Variants in ATP13A2 observed in about 807,000 individuals in gnomAD.
The protein encoded by ATP13A2 is polyamine-transporting ATPase 13A2.
A neutral mutation model predicts 138.3 loss-of-function variants in ATP13A2; 83 were observed. The observed-to-expected ratio is 0.60, with a 90% confidence interval of 0.50 to 0.72. ATP13A2 has a LOEUF of 0.72. Among genes scored for constraint, ATP13A2 ranks in the 30% least tolerant of loss-of-function variants. The pLI, the probability that ATP13A2 is intolerant of heterozygous loss-of-function variation, is 0.00. For synonymous variants in ATP13A2, 663 were observed against 699.0 expected (o/e 0.95, Z 0.81); for missense variants, 1,402 against 1,606.4 (o/e 0.87, Z 2.17).
rs1005719295 is a variant in ATP13A2, at chr1:17,005,321, C to A, written c.288+53G>T. 9 of 1,554,830 alleles carry A rather than the reference C, an allele frequency of 5.8e-6. No individual in the cohort carries two copies. The East Asian group carries it at 1.9e-4, about 33-fold the overall frequency. ...TTGGCACCCAAGCATCCTCCACCCCCGACCCTGACCCTCACTGCGCTTCTC... is the reference window on the plus strand; with the variant it reads ...TTGGCACCCAAGCATCCTCCACCCCAGACCCTGACCCTCACTGCGCTTCTC... On this transcript the variant is annotated intron_variant, in intron 3 of 28. Transcript: ENST00000326735.
In ATP13A2 at chr1:17,004,941, G is replaced by C. The variant is rs41273155; in HGVS notation, c.347+73C>G. The C allele has an allele frequency of 0.034, 54,250 of 1,611,516 alleles. 1,094 individuals carry two copies. Among genetic ancestry groups the C allele is most frequent in the African/African-American group, 0.067 (5,050 of 74,942 alleles). ...GCGCCAGAGTCAGCCTTTATGGGGG[G>C]GCCGAGGGTTGGGGAAGTTGGGGAG... On this transcript the variant is annotated intron_variant, in intron 4 of 28. Transcript: ENST00000326735. This position sits in a 1 kb window ranked among gnomAD's most constrained non-coding sequence, Gnocchi z 4.1.
chr1:16,995,972 C>G lies in ATP13A2; in HGVS notation c.1542+4G>C. The G allele has an allele frequency of 6.2e-7, 1 of 1,613,946 alleles. No homozygotes were observed. Among genetic ancestry groups the G allele is most frequent in the African/African-American group, 1.3e-5 (1 of 75,064 alleles). ...CCCTGCACCAACCCCACCTGCGGCC[C>G]CACCTTGTCGAAACACACCAGCTGC... On this transcript the variant is annotated splice_donor_region_variant and intron_variant, in intron 15 of 28. Transcript: ENST00000326735. The surrounding 1 kb of genome is among the most constrained non-coding windows in gnomAD (Gnocchi z 4.1).
chr1:16,986,546 G>A lies in ATP13A2; in HGVS notation c.3322C>T (p.Leu1108=), dbSNP rs34585239. ...VPGLLQGPLA[L]RNITDTGFKL... ...AAGCCGGTGTCAGTGATGTTCCTCA[G>A]CGCCAGCGGCCCCTGCAGGAGGCCG... is the stretch of plus-strand genomic sequence containing the variant. Residue 1108 remains leucine, a synonymous_variant, in exon 28 of 29, where the codon CTG becomes TTG. Transcript: ENST00000326735. This position sits in a 1 kb window ranked among gnomAD's most constrained non-coding sequence, Gnocchi z 6.9. The A allele has an allele frequency of 1.2e-6, 2 of 1,612,554 alleles. No individual in the cohort carries two copies. The highest frequency in any genetic ancestry group is 1.7e-6 in the Non-Finnish European group (2 of 1,179,858).
chr1:17,011,699 GCTCGGGGCCGACCCGGACTCCGCA>G lies in ATP13A2; in HGVS notation c.10+6_10+29del. 6.7e-7 allele frequency: 1 copy of G among 1,485,440 alleles called. No homozygotes were observed. Among genetic ancestry groups the G allele is most frequent in the Non-Finnish European group, 8.9e-7 (1 of 1,124,320 alleles). 92.0% of individuals were successfully genotyped at this position (1,485,440 alleles called of 1,614,324 possible). A position where few individuals can be genotyped will look rare whatever the true frequency, so the allele number is the denominator to read the frequency against. The stretch of plus-strand genomic sequence containing the variant: ...ACTGGCGGGCCGGGGACCGCGCCGG[GCTCGGGGCCGACCCGGACTCCGCA>G]CTCACCTGCGCTCATGCCGGCTCCT... On this transcript the variant is annotated splice_donor_region_variant and intron_variant, in intron 1 of 28. Coordinates refer to ENST00000326735, the MANE Select transcript of ATP13A2 (RefSeq NM_022089.4). The surrounding 1 kb of genome is among the most constrained non-coding windows in gnomAD (Gnocchi z 7.3).
chr1:17,003,752 C>T (rs1330398203), intron 6 of ATP13A2, among the ~76,000 whole-genome samples: 1 of 151,608 alleles, frequency 6.6e-6, no homozygotes, highest in Non-Finnish European at 1.5e-5. Flanking sequence ...CAACCTCTGC[C>T]GCCCAGGTTC....
chr1:16,986,291 C>A lies in ATP13A2; in HGVS notation c.3473G>T (p.Arg1158Leu), dbSNP rs544885605. 6.2e-7 allele frequency: 1 copy of A among 1,601,918 alleles called. No homozygotes were observed. The highest frequency in any genetic ancestry group is 8.5e-7 in the Non-Finnish European group (1 of 1,175,320). ...RLRPKRASKK[R>L]FKQLERELAE... Reference sequence around the variant, plus strand: ...CAGCTCTCGTTCCAGCTGCTTGAAGCGCTTCTTGGAGGCCCGCTTGGGCCG... The same window carrying A: ...CAGCTCTCGTTCCAGCTGCTTGAAGAGCTTCTTGGAGGCCCGCTTGGGCCG... Residue 1158 changes from arginine to leucine, a missense_variant, in exon 29 of 29, where the codon CGC (arginine) becomes CTC (leucine). By Grantham distance (102) the Arg-to-Leu change is moderately radical (BLOSUM62 -2). Transcript: ENST00000326735. The surrounding 1 kb of genome is among the most constrained non-coding windows in gnomAD (Gnocchi z 6.9).
intron 11 of ATP13A2, among the ~76,000 whole-genome samples, chr1:16,999,391 AAAAAAAAAAAAAAAG>A (rs1172860381): frequency 6.7e-6 from 1 of 149,142 alleles, no homozygotes; most frequent in Non-Finnish European, 1.5e-5. Flanking sequence ...AAAAAAAAAA[AAAAAAAAAAAAAAAG>A]GAGAAATAGC....
chr1:17,007,794 G>A (rs1026941679), intron 1 of ATP13A2, among the ~76,000 whole-genome samples: 3 of 151,850 alleles, frequency 2.0e-5, no homozygotes, highest in Non-Finnish European at 2.9e-5. Context: ...CTCGTGATCC[G>A]CCCGCCTCGG....
chr1:16,988,402 C>A lies in ATP13A2; in HGVS notation c.2682G>T (p.Ser894=). The A allele has an allele frequency of 6.2e-7, 1 of 1,614,036 alleles. No individual in the cohort carries two copies. The highest frequency in any genetic ancestry group is 8.5e-7 in the Non-Finnish European group (1 of 1,180,034). Residue 894 remains serine (S), a synonymous_variant, in exon 24 of 29, where the codon TCG becomes TCT. Coordinates refer to ENST00000326735, the MANE Select transcript of ATP13A2 (RefSeq NM_022089.4). ...GALKAADVGI[S]LSQAEASVVS... ...CCACTGAGGCTTCTGCCTGGGACAG[C>A]GAGATGCCGACATCAGCCGCCTTCA...
Position 16,992,594 on chromosome 1 carries a change from C to T in ATP13A2, c.1750-13G>A. 6.2e-7 allele frequency: 1 copy of T among 1,614,088 alleles called. No individual in the cohort carries two copies. The highest frequency in any genetic ancestry group is 8.5e-7 in the Non-Finnish European group (1 of 1,179,930). ...CTTCCTCCAGGACCTGGCAGGCAGG[C>T]AGGGAAGTTTGGTGTCTGGGGGCTT... On this transcript the variant is annotated splice_polypyrimidine_tract_variant and intron_variant, in intron 16 of 28. Transcript: ENST00000326735.
At position 16,992,613 on chromosome 1, in the gene ATP13A2, G is replaced by A. The variant is rs776879368; in HGVS notation, c.1750-32C>T. ...GGCAGGCAGGGAAGTTTGGTGTCTG[G>A]GGGCTTTGGCTCACAGAGAGATTTG... On this transcript the variant is annotated intron_variant, in intron 16 of 28. Coordinates refer to ENST00000326735, the MANE Select transcript of ATP13A2 (RefSeq NM_022089.4). The A allele has an allele frequency of 2.9e-5, 46 of 1,608,098 alleles. 1 individual carries two copies. The South Asian group carries it at 4.6e-4, about 16-fold the overall frequency.
At chr1:17,001,318 T>C (rs1000082436) in intron 8 of ATP13A2, among the ~76,000 whole-genome samples, 17 of 147,108 alleles carry the variant, frequency 1.2e-4, no homozygotes, top group South Asian at 4.3e-4. Context: ...GTCCCAGCTA[T>C]GTAGGAGGCT....
Position 16,986,635 on chromosome 1 carries a change from G to A in ATP13A2, c.3236-3C>T, listed in dbSNP as rs1557665573. On this transcript the variant is annotated splice_polypyrimidine_tract_variant and splice_region_variant and intron_variant, in intron 27 of 28. Transcript: ENST00000326735. The surrounding 1 kb of genome is among the most constrained non-coding windows in gnomAD (Gnocchi z 6.9). ...CGCCAGGGCCACCAGGAAGGGCACTGGGAGCAGGAGAGTCTCTCAGGCAGG... is the reference window on the plus strand; with the variant it reads ...CGCCAGGGCCACCAGGAAGGGCACTAGGAGCAGGAGAGTCTCTCAGGCAGG... 1 of 1,605,696 alleles carries A rather than the reference G, an allele frequency of 6.2e-7. No homozygotes were observed. The highest frequency in any genetic ancestry group is 8.5e-7 in the Non-Finnish European group (1 of 1,178,158).
At chr1:16,996,338 C>G in intron 13 of ATP13A2, 38 bp from the exon 14 acceptor site, 1 of 1,613,686 alleles carries the variant, frequency 6.2e-7, no homozygotes, top group Non-Finnish European at 8.5e-7. Flanking sequence ...GATTTGGGAC[C>G]CAGGTGGGGG....
At chr1:17,000,609 C>G in intron 8 of ATP13A2, 75 bp from the exon 9 acceptor site, 1 of 1,558,120 alleles carries the variant, frequency 6.4e-7, no homozygotes, top group Non-Finnish European at 8.7e-7. Context: ...GTCTCCTGTG[C>G]CCATGGGAGC....
intron 25 of ATP13A2, 111 bp from the exon 26 acceptor site, chr1:16,987,380 TC>T (rs1570764076): frequency 9.6e-7 from 1 of 1,043,114 alleles, no homozygotes; most frequent in Non-Finnish European, 1.5e-6. Flanking sequence ...GGGTAAGGCA[TC>T]CCCCAGTCTA....
chr1:16,987,260 T>C lies in ATP13A2; in HGVS notation c.2869A>G (p.Asn957Asp), dbSNP rs767363183. Residue 957 changes from asparagine to aspartate, a missense_variant, in exon 26 of 29, where the codon AAC (asparagine) becomes GAC (aspartate). Coordinates refer to ENST00000326735, the MANE Select transcript of ATP13A2 (RefSeq NM_022089.4). ...GCCAGGAACTGCAGGTCACCCAGGT[T>C]GGTGTTGATCTGCCACAGGGAAGGG... ...SVLILYTINTNLGDLQFLAID... is the reference protein window; with the variant it reads ...SVLILYTINTDLGDLQFLAID... 1 of 1,613,674 alleles carries C rather than the reference T, an allele frequency of 6.2e-7. No individual in the cohort carries two copies. The highest frequency in any genetic ancestry group is 1.1e-5 in the South Asian group (1 of 91,054).
rs766723759 is a variant in ATP13A2, at chr1:16,991,730, G to A, written c.2251+4C>T. 6.2e-6 allele frequency: 10 copies of A among 1,613,986 alleles called. No homozygotes were observed. The highest frequency in any genetic ancestry group is 8.5e-7 in the Non-Finnish European group (1 of 1,180,054). Reference sequence around the variant, plus strand: ...CTAGCCCGGGCCCCTACATGCCATTGTACCTGTCACCATGACGGCGCGGAT... The same window carrying A: ...CTAGCCCGGGCCCCTACATGCCATTATACCTGTCACCATGACGGCGCGGAT... On this transcript the variant is annotated splice_donor_region_variant and intron_variant, in intron 20 of 28. Coordinates refer to ENST00000326735, the MANE Select transcript of ATP13A2 (RefSeq NM_022089.4).
intron 15 of ATP13A2, among the ~76,000 whole-genome samples, chr1:16,994,913 C>T (rs532651465): frequency 1.3e-5 from 2 of 152,244 alleles, no homozygotes; most frequent in South Asian, 2.1e-4. Flanking sequence ...CCACCCGCCT[C>T]GGCCTCCCGA....
Sources: allele counts gnomAD v4.1 joint callset (sites outside exome capture counted in the v4.1 genomes callset), GRCh38; gene constraint gnomAD v4.1.1; non-coding constraint Gnocchi (gnomAD v3.1); transcripts MANE v1.5; gene names NCBI Gene and HGNC (gene_info 2026-07-23, HGNC 2026-07-21).